The following CTNNA2 variants were observed in gnomAD, a reference collection of about 807,000 sequenced individuals.
CTNNA2 encodes catenin alpha-2.
In CTNNA2, 42 loss-of-function variants were observed where a neutral mutation model predicts 101.0. That is an observed-to-expected ratio of 0.42 (90% CI 0.32 to 0.54). The LOEUF (loss-of-function observed/expected upper bound fraction) is 0.54. Ranked by LOEUF, CTNNA2 falls within the 20% of genes least tolerant of loss-of-function variation. CTNNA2 has a pLI of 0.14. For missense variants in CTNNA2, 871 were observed against 1,223.1 expected, an observed-to-expected ratio of 0.71 and a Z score of 4.29; for synonymous variants, 450 against 456.4, an observed-to-expected ratio of 0.99 and a Z score of 0.18.
At chr2:79,292,502 T>C (rs955103976) in intron 2 of CTNNA2, among the ~76,000 whole-genome samples, 8 of 152,230 alleles carry the variant, frequency 5.3e-5, no homozygotes, top group African/African-American at 1.9e-4. Context: ...ACTGTAATGC[T>C]AGTTCTCTAA....
intron 2 of CTNNA2, among the ~76,000 whole-genome samples, chr2:79,200,315 A>G (rs1187983462): frequency 6.6e-6 from 1 of 151,826 alleles, no homozygotes; most frequent in African/African-American, 2.4e-5. Flanking sequence ...ACCTGGAAGG[A>G]AGAGGTTGCA....
Position 80,601,417 on chromosome 2 carries a change from C to CTTTTT in CTNNA2, c.2190-2654_2190-2653insTTTTT, listed in dbSNP as rs375645223. 1.0e-3 allele frequency among the ~76,000 whole-genome samples: 95 copies of CTTTTT among 94,164 alleles called. 5 individuals are homozygous for CTTTTT. The highest frequency in any genetic ancestry group is 6.3e-3 in the Middle Eastern group (1 of 158). 61.8% of individuals were successfully genotyped at this position (94,164 alleles called of 152,430 possible). The stretch of plus-strand genomic sequence containing the variant: ...GATTTAATGACTTTTTTCTTTCTTT[C>CTTTTT]TTTCTTTTTTTTTTTTTTTGATGAG... On this transcript the variant is annotated intron_variant, in intron 15 of 18. Transcript: ENST00000402739.
intron 3 of CTNNA2, among the ~76,000 whole-genome samples, chr2:79,757,350 A>G (rs1020979267): frequency 5.3e-5 from 8 of 152,316 alleles, no homozygotes; most frequent in Admixed American, 4.6e-4. Context: ...AACTATTCTT[A>G]TTTTTAAGCT....
At chr2:80,626,715 C>G (rs1341308369) in intron 18 of CTNNA2, among the ~76,000 whole-genome samples, 1 of 151,816 alleles carries the variant, frequency 6.6e-6, no homozygotes, top group Non-Finnish European at 1.5e-5. Flanking sequence ...AAAATCTATT[C>G]TTTTTTTTAA....
At chr2:80,167,033 T>A (rs1295837763) in intron 7 of CTNNA2, among the ~76,000 whole-genome samples, 1 of 152,158 alleles carries the variant, frequency 6.6e-6, no homozygotes, top group Non-Finnish European at 1.5e-5. Context: ...CTTCTTGCAT[T>A]TCATTCTTCT....
chr2:80,528,533 C>T (rs1690240342), intron 9 of CTNNA2, among the ~76,000 whole-genome samples: 1 of 152,182 alleles, frequency 6.6e-6, no homozygotes, highest in South Asian at 2.1e-4. Flanking sequence ...CAGGTATTGC[C>T]CTTGCTACTG....
chr2:79,724,887 C>T (rs939197416), intron 2 of CTNNA2, among the ~76,000 whole-genome samples: 3 of 150,316 alleles, frequency 2.0e-5, no homozygotes, highest in African/African-American at 2.4e-5. Context: ...GGCTTGTCTG[C>T]AGCACATCAG....
At chr2:79,902,338 ATC>A (rs961162122) in intron 6 of CTNNA2, among the ~76,000 whole-genome samples, 3 of 152,172 alleles carry the variant, frequency 2.0e-5, no homozygotes, top group Admixed American at 1.3e-4. Context: ...ACAATAATTC[ATC>A]TCTCTGAACA....
intron 4 of CTNNA2, among the ~76,000 whole-genome samples, chr2:79,413,078 T>A (rs988719980): frequency 6.6e-6 from 1 of 152,072 alleles, no homozygotes; most frequent in Non-Finnish European, 1.5e-5. Context: ...GTTTTGTTCC[T>A]CAATCCTTCC....
rs1250497522 is a variant in CTNNA2 at position 80,303,064 on chromosome 2, C to G, written c.1057-90147C>G. The G allele has an allele frequency of 6.2e-7, 1 of 1,613,950 alleles. No individual in the cohort carries two copies. Among genetic ancestry groups the G allele is most frequent in the Non-Finnish European group, 8.5e-7 (1 of 1,180,010 alleles). ...TTTTCTCCAGGTTCCAAACCCAGTC[C>G]AGCGAGCTGACCACAATGGCCACCT... On this transcript the variant is annotated intron_variant, in intron 7 of 18. Coordinates refer to ENST00000402739, the MANE Select transcript of CTNNA2 (RefSeq NM_001282597.3). This position sits in a 1 kb window ranked among gnomAD's most constrained non-coding sequence, Gnocchi z 7.7.
chr2:80,253,271 T>C (rs1417471365), intron 7 of CTNNA2, among the ~76,000 whole-genome samples: 1 of 152,168 alleles, frequency 6.6e-6, no homozygotes, highest in Non-Finnish European at 1.5e-5. Flanking sequence ...CAGTTTGCAC[T>C]ATATGATATC....
chr2:79,637,311 T>C lies in CTNNA2; in HGVS notation c.-5-14241T>C, dbSNP rs74574213. On this transcript the variant is annotated intron_variant, in intron 1 of 18. Transcript: ENST00000402739. ...TACAGTTGATGGAGTGAGGCCTCAGTCAGGAGGCAGGAAGGGATGGGATGC... is the reference window on the plus strand; with the variant it reads ...TACAGTTGATGGAGTGAGGCCTCAGCCAGGAGGCAGGAAGGGATGGGATGC... Among the ~76,000 whole-genome samples, 794 of 152,184 alleles carry C rather than the reference T, an allele frequency of 5.2e-3. 27 individuals carry two copies. The South Asian group carries it at 0.067, about 13-fold the overall frequency.
chr2:79,468,656 G>C (rs1472302322), intron 4 of CTNNA2, among the ~76,000 whole-genome samples: 1 of 152,124 alleles, frequency 6.6e-6, no homozygotes, highest in African/African-American at 2.4e-5. Context: ...AAATGTAAAA[G>C]AACAGAAATT....
At chr2:79,722,974 G>T (rs1686584653) in intron 2 of CTNNA2, among the ~76,000 whole-genome samples, 1 of 152,114 alleles carries the variant, frequency 6.6e-6, no homozygotes, top group East Asian at 1.9e-4. Context: ...TTTTGAAGGA[G>T]ATTATATTTC....
intron 4 of CTNNA2, among the ~76,000 whole-genome samples, chr2:79,474,405 C>G (rs1025255201): frequency 5.9e-5 from 9 of 152,038 alleles, no homozygotes; most frequent in African/African-American, 1.9e-4. Context: ...TGTCTAAAGA[C>G]TGCATATGAC....
chr2:80,567,895 G>A (rs1182950851), intron 12 of CTNNA2, among the ~76,000 whole-genome samples: 1 of 151,648 alleles, frequency 6.6e-6, no homozygotes, highest in African/African-American at 2.4e-5. Context: ...TTTATTTTAT[G>A]TTAACAGTTA....
chr2:80,161,634 T>C (rs1294641787), intron 7 of CTNNA2, among the ~76,000 whole-genome samples: 2 of 152,206 alleles, frequency 1.3e-5, no homozygotes, highest in African/African-American at 4.8e-5. Context: ...AACGTTTGAC[T>C]GACAGAAGTA....
At chr2:79,886,958 A>G (rs968263392) in intron 6 of CTNNA2, among the ~76,000 whole-genome samples, 2 of 151,774 alleles carry the variant, frequency 1.3e-5, no homozygotes, top group Non-Finnish European at 2.9e-5. Flanking sequence ...AGCTAGGACC[A>G]CAGGCACACC....
intron 7 of CTNNA2, among the ~76,000 whole-genome samples, chr2:79,942,762 C>G (rs1181340759): frequency 1.3e-5 from 2 of 152,136 alleles, no homozygotes; most frequent in African/African-American, 2.4e-5. Context: ...CAACACATCT[C>G]TTTTGTGTTC....
Sources: allele counts gnomAD v4.1 joint callset (sites outside exome capture counted in the v4.1 genomes callset), GRCh38; gene constraint gnomAD v4.1.1; non-coding constraint Gnocchi (gnomAD v3.1); transcripts MANE v1.5; gene names NCBI Gene and HGNC (gene_info 2026-07-23, HGNC 2026-07-21).